EXOC4: variants seen among roughly 807,000 people sequenced by gnomAD.
EXOC4 encodes the protein SEC8-like 1.
EXOC4 carries 71 observed loss-of-function variants against 107.2 expected under a neutral mutation model. The observed-to-expected ratio is 0.66, with a 90% CI of 0.55 to 0.81. The LOEUF (loss-of-function observed/expected upper bound fraction) is 0.81, where lower values mean the gene tolerates loss of function less well. Ranked by LOEUF, EXOC4 falls within the 30% of genes least tolerant of loss-of-function variation. The pLI is 0.00. For missense variants in EXOC4, 1,108 were observed against 1,189.6 expected, an observed-to-expected ratio of 0.93 and a Z score of 1.01; for synonymous variants, 456 against 441.2, an observed-to-expected ratio of 1.03 and a Z score of -0.42.
At chr7:133,721,188 GA>G (rs1190023447) in intron 10 of EXOC4, among the ~76,000 whole-genome samples, 1 of 152,060 alleles carries the variant, frequency 6.6e-6, no homozygotes, top group South Asian at 2.1e-4. Context: ...TTAAGATTAT[GA>G]AAAAATCTGT....
chr7:133,579,827 C>A (rs1449961649), intron 9 of EXOC4, among the ~76,000 whole-genome samples: 1 of 152,086 alleles, frequency 6.6e-6, no homozygotes, highest in Non-Finnish European at 1.5e-5. Context: ...GCTGGGACTA[C>A]AGGCACGCGC....
At chr7:133,756,181 A>G (rs1795913150) in intron 10 of EXOC4, among the ~76,000 whole-genome samples, 1 of 152,202 alleles carries the variant, frequency 6.6e-6, no homozygotes, top group Non-Finnish European at 1.5e-5. Context: ...TTTCATCATA[A>G]AAGCAATGTT....
intron 9 of EXOC4, among the ~76,000 whole-genome samples, chr7:133,617,658 A>G (rs899002347): frequency 5.3e-5 from 8 of 152,252 alleles, no homozygotes; most frequent in African/African-American, 1.7e-4. Context: ...CATAAAGCAT[A>G]TGGATCATCT....
intron 11 of EXOC4, among the ~76,000 whole-genome samples, chr7:133,874,591 A>T (rs1798812168): frequency 6.6e-6 from 1 of 152,204 alleles, no homozygotes; most frequent in South Asian, 2.1e-4. Context: ...AGGGCTCCAG[A>T]TCTCACCTCT....
chr7:133,346,954 G>C (rs1795795943), intron 5 of EXOC4, among the ~76,000 whole-genome samples: 1 of 151,946 alleles, frequency 6.6e-6, no homozygotes, highest in African/African-American at 2.4e-5. Flanking sequence ...ATATCACCAG[G>C]GCCCTTATTT....
chr7:133,654,439 G>A (rs1440083593), intron 10 of EXOC4, among the ~76,000 whole-genome samples: 1 of 152,122 alleles, frequency 6.6e-6, no homozygotes, highest in African/African-American at 2.4e-5. Flanking sequence ...AATTAGAATT[G>A]TACTTGAAAC....
At chr7:134,100,175 T>C in the EXOC4 span, among the ~76,000 whole-genome samples, 1 of 152,114 alleles carries the variant, frequency 6.6e-6, no homozygotes, top group East Asian at 1.9e-4. Context: ...AAATACCTTT[T>C]TCTCTCCTAC....
chr7:133,790,172 A>T (rs1585147255), intron 10 of EXOC4, among the ~76,000 whole-genome samples: 1 of 152,218 alleles, frequency 6.6e-6, no homozygotes, highest in African/African-American at 2.4e-5. Context: ...GTGGTTGCTG[A>T]GTGAACTGCA....
At chr7:133,931,979 GA>G (rs1201786324) in intron 13 of EXOC4, among the ~76,000 whole-genome samples, 5 of 152,186 alleles carry the variant, frequency 3.3e-5, no homozygotes, top group Non-Finnish European at 7.3e-5. Flanking sequence ...TCAGCCTTAA[GA>G]ACACAGCACA....
At chr7:133,590,266 A>T (rs1801510311) in intron 9 of EXOC4, among the ~76,000 whole-genome samples, 1 of 151,738 alleles carries the variant, frequency 6.6e-6, no homozygotes, top group African/African-American at 2.4e-5. Context: ...GCTTCACTAT[A>T]TTTTTTTTCT....
At chr7:134,085,772 C>A in the EXOC4 span, among the ~76,000 whole-genome samples, 3 of 152,190 alleles carry the variant, frequency 2.0e-5, no homozygotes, top group Non-Finnish European at 2.9e-5. Flanking sequence ...AATGATTTAA[C>A]ATGTGGCTGC....
In EXOC4 at chr7:133,860,482, G is replaced by A. The variant is rs138484152; in HGVS notation, c.1735-35117G>A. ...CTTTACTACTGGTGACTCCAGAGAT[G>A]GCAGTGTGTGAAAGTGAAGAAAGGA... On this transcript the variant is annotated intron_variant, in intron 11 of 17. Transcript: ENST00000253861. Among the ~76,000 whole-genome samples the A allele has an allele frequency of 2.5e-3, 379 of 152,294 alleles. 2 individuals carry two copies. The highest frequency in any genetic ancestry group is 4.1e-3 in the Non-Finnish European group (280 of 68,028).
At chr7:134,017,677 C>T (rs534724113) in intron 17 of EXOC4, among the ~76,000 whole-genome samples, 1 of 152,178 alleles carries the variant, frequency 6.6e-6, no homozygotes, top group South Asian at 2.1e-4. Context: ...TCCTTGAATG[C>T]GGGTGAGCAT....
Position 133,253,097 on chromosome 7 carries a change from C to T in EXOC4, c.-5C>T, listed in dbSNP as rs753017802. 4 of 1,614,130 alleles carry T rather than the reference C, an allele frequency of 2.5e-6. No homozygotes were observed. The highest frequency in any genetic ancestry group is 1.1e-5 in the South Asian group (1 of 91,082). ...TGGAGCCTAGCGGCTCTCCCCGCGT[C>T]CAAGATGGCGGCAGAAGCAGCTGGT... On this transcript the variant is annotated 5_prime_UTR_variant, in exon 1 of 18. Transcript: ENST00000253861.
intron 7 of EXOC4, among the ~76,000 whole-genome samples, chr7:133,468,508 TATC>T (rs1798788870): frequency 6.6e-6 from 1 of 152,230 alleles, no homozygotes; most frequent in Non-Finnish European, 1.5e-5. Flanking sequence ...AATTTAAAAA[TATC>T]ATTATATTAT....
At chr7:134,071,545 G>A (rs961100633), downstream of EXOC4, among the ~76,000 whole-genome samples, 1 of 152,208 alleles carries the variant, frequency 6.6e-6, no homozygotes, top group Non-Finnish European at 1.5e-5. Context: ...GCAAGAGTCT[G>A]AGGGAGTTTC....
intron 2 of EXOC4, among the ~76,000 whole-genome samples, chr7:133,284,107 T>C (rs1563002115): frequency 6.6e-6 from 1 of 152,190 alleles, no homozygotes; most frequent in Non-Finnish European, 1.5e-5. Context: ...ATGCTAATTT[T>C]TTATCCCCCA....
chr7:133,261,510 C>T (rs1344076442), intron 1 of EXOC4, among the ~76,000 whole-genome samples: 2 of 152,068 alleles, frequency 1.3e-5, no homozygotes, highest in Non-Finnish European at 2.9e-5. Flanking sequence ...ATCCGCAGGC[C>T]TCAGCCTGTG....
At chr7:134,095,493 A>G in the EXOC4 span, among the ~76,000 whole-genome samples, 1 of 152,184 alleles carries the variant, frequency 6.6e-6, no homozygotes, top group Non-Finnish European at 1.5e-5. Context: ...ATGGAACCAT[A>G]AAAGAGCCCA....
Sources: allele counts gnomAD v4.1 joint callset (sites outside exome capture counted in the v4.1 genomes callset), GRCh38; gene constraint gnomAD v4.1.1; transcripts MANE v1.5; gene names NCBI Gene and HGNC (gene_info 2026-07-23, HGNC 2026-07-21).